The following PECR variants were observed in gnomAD, a reference collection of about 807,000 sequenced individuals.
PECR encodes 2,4-dienoyl-CoA reductase-related protein.
PECR carries 30 observed loss-of-function variants against 35.3 expected under a neutral mutation model. That is an observed-to-expected ratio of 0.85 (90% CI 0.64 to 1.15). PECR has a LOEUF of 1.15. PECR is among the 50% of genes most tolerant of loss of function. The pLI is 0.00. For synonymous variants in PECR, 148 were observed against 138.9 expected, an observed-to-expected ratio of 1.07 and a Z score of -0.46; for missense variants, 392 against 370.8, an observed-to-expected ratio of 1.06 and a Z score of -0.47.
At chr2:216,073,799 T>C (rs919451315) in intron 1 of PECR, among the ~76,000 whole-genome samples, 7 of 152,322 alleles carry the variant, frequency 4.6e-5, no homozygotes, top group South Asian at 4.1e-4. Context: ...AATAGGCTAT[T>C]GACCATATAA....
chr2:216,034,962 G>A (rs1480362826), downstream of PECR, among the ~76,000 whole-genome samples: 1 of 152,172 alleles, frequency 6.6e-6, no homozygotes, highest in East Asian at 1.9e-4. Flanking sequence ...TGTTAACCAA[G>A]GTCAACGGAG....
chr2:216,029,103 T>C (rs995067706), intron 7 of PECR, among the ~76,000 whole-genome samples: 1 of 148,134 alleles, frequency 6.8e-6, no homozygotes, highest in Admixed American at 6.6e-5. Context: ...TATATTCATC[T>C]TTATTTATTT....
chr2:216,042,334 T>C (rs1348822745), intron 7 of PECR, among the ~76,000 whole-genome samples: 1 of 152,176 alleles, frequency 6.6e-6, no homozygotes. Flanking sequence ...GTTTGAGTTT[T>C]TGCTCGCCTC....
At chr2:216,076,816 T>C (rs1330142675) in intron 1 of PECR, among the ~76,000 whole-genome samples, 1 of 151,774 alleles carries the variant, frequency 6.6e-6, no homozygotes, top group Admixed American at 6.6e-5. Context: ...TAAATAAATA[T>C]CTTGCTATTG....
intron 7 of PECR, among the ~76,000 whole-genome samples, chr2:216,031,491 A>AAG (rs1259797554): frequency 7.7e-6 from 1 of 130,496 alleles, no homozygotes; most frequent in Admixed American, 8.4e-5. Context: ...GAAAGAAAGA[A>AAG]AGAGAAAGAA....
rs115171798 is a variant in PECR at position 216,062,869 on chromosome 2, C to T, written c.424+2443G>A. ...ACAAATACTTGATGTGTTACAATTG[C>T]CTACAGTATTCAGTACAGCAACATG... is the stretch of plus-strand genomic sequence containing the variant. On this transcript the variant is annotated intron_variant, in intron 3 of 7. Coordinates refer to ENST00000265322, the MANE Select transcript of PECR (RefSeq NM_018441.6). Among the ~76,000 whole-genome samples, 1,114 of 152,208 alleles carry T rather than the reference C, an allele frequency of 7.3e-3. 9 individuals are homozygous for T. Among genetic ancestry groups the T allele is most frequent in the African/African-American group, 0.025 (1,056 of 41,534 alleles).
At chr2:216,034,438 T>A (rs1310783801), downstream of PECR, among the ~76,000 whole-genome samples, 1 of 152,144 alleles carries the variant, frequency 6.6e-6, no homozygotes, top group East Asian at 1.9e-4. Context: ...GTGGTTCCCA[T>A]GGGTGACTTT....
downstream of PECR, among the ~76,000 whole-genome samples, chr2:216,036,217 T>G (rs1694791042): frequency 6.6e-6 from 1 of 152,230 alleles, no homozygotes; most frequent in Non-Finnish European, 1.5e-5. Context: ...CATAGAGGGC[T>G]TGAACAACCA....
At chr2:216,041,543 T>C (rs1465903606) in intron 7 of PECR, among the ~76,000 whole-genome samples, 1 of 152,214 alleles carries the variant, frequency 6.6e-6, no homozygotes, top group Non-Finnish European at 1.5e-5. Flanking sequence ...TATTTGGTCT[T>C]CAACCCCATC....
chr2:216,077,188 G>A (rs894864444), intron 1 of PECR, among the ~76,000 whole-genome samples: 12 of 148,684 alleles, frequency 8.1e-5, no homozygotes, highest in East Asian at 2.2e-4. Context: ...ATGAGCCACC[G>A]CGCCTGGCCC....
intron 1 of PECR, among the ~76,000 whole-genome samples, chr2:216,080,595 T>C (rs1028073430): frequency 6.6e-6 from 1 of 152,238 alleles, no homozygotes; most frequent in Non-Finnish European, 1.5e-5. Flanking sequence ...TTTTTCCAAA[T>C]TGCCTTCCAG....
chr2:216,072,729 C>A (rs1382170960), intron 1 of PECR, among the ~76,000 whole-genome samples: 1 of 152,174 alleles, frequency 6.6e-6, no homozygotes, highest in Non-Finnish European at 1.5e-5. Context: ...GAGTAGTATT[C>A]CATGGTATAT....
rs114812749 is a variant in PECR at position 216,042,287 on chromosome 2, C to G, written c.826+1617G>C. ...CAACTGGTCACAGAAGTCTTCCGTG[C>G]TAATGGTTGTTGTGTTGTGAGAGCA... On this transcript the variant is annotated intron_variant, in intron 7 of 7. Transcript: ENST00000265322. 1.7e-3 allele frequency among the ~76,000 whole-genome samples: 263 copies of G among 152,316 alleles called. 2 individuals are homozygous for G. Among genetic ancestry groups the G allele is most frequent in the African/African-American group, 6.0e-3 (251 of 41,570 alleles).
chr2:216,030,917 A>G lies in PECR; in HGVS notation c.*440+8274T>C, dbSNP rs78895408. ...TCCAATTTGAACACACAAGCCCACT[A>G]TGAGGCCCATTCTCTCTCTCTCTCT... On this transcript the variant is annotated intron_variant and NMD_transcript_variant, in intron 7 of 7. Coordinates refer to the PECR transcript ENST00000442122. Among the ~76,000 whole-genome samples, 66 of 136,558 alleles carry G rather than the reference A, an allele frequency of 4.8e-4. No homozygotes were observed. The East Asian group carries it at 0.014, about 29-fold the overall frequency. 89.6% of individuals were successfully genotyped at this position (136,558 alleles called of 152,430 possible).
intron 7 of PECR, among the ~76,000 whole-genome samples, chr2:216,032,156 T>G (rs182862928): frequency 6.6e-6 from 1 of 152,362 alleles, no homozygotes; most frequent in Non-Finnish European, 1.5e-5. Flanking sequence ...AAATCCTTGC[T>G]ATTTAAGTCC....
intron 4 of PECR, 133 bp downstream of exon 4, chr2:216,058,762 A>C: frequency 1.6e-6 from 1 of 626,908 alleles, no homozygotes; most frequent in South Asian, 1.9e-5. Flanking sequence ...ATAAAATAAA[A>C]TGTTAACTGT....
chr2:216,080,232 C>T (rs1695806629), intron 1 of PECR, among the ~76,000 whole-genome samples: 1 of 151,948 alleles, frequency 6.6e-6, no homozygotes, highest in Non-Finnish European at 1.5e-5. Context: ...CAGGTGTACG[C>T]CACCATGCCT....
chr2:216,029,305 C>G (rs1694644548), intron 7 of PECR, among the ~76,000 whole-genome samples: 1 of 151,946 alleles, frequency 6.6e-6, no homozygotes, highest in Non-Finnish European at 1.5e-5. Flanking sequence ...TGGTGAAACC[C>G]TGTCTCTATT....
At chr2:216,080,527 T>C (rs1695817578) in intron 1 of PECR, among the ~76,000 whole-genome samples, 1 of 152,254 alleles carries the variant, frequency 6.6e-6, no homozygotes, top group Non-Finnish European at 1.5e-5. Flanking sequence ...TTTCCTTAAA[T>C]TCCTGAAAAA....
Sources: gnomAD v4.1 joint callset for allele counts (sites outside exome capture counted in the v4.1 genomes callset) on GRCh38, gnomAD v4.1.1 for gene constraint, MANE v1.5 for transcripts, NCBI Gene and HGNC (gene_info 2026-07-23, HGNC 2026-07-21) for gene names.